MAP4K4: variants seen among roughly 807,000 people sequenced by gnomAD.
The protein encoded by MAP4K4 is mitogen-activated protein kinase kinase kinase kinase 4, also known as HPK/GCK-like kinase HGK.
MAP4K4 carries 38 observed loss-of-function variants against 189.6 expected under a neutral mutation model. That is an observed-to-expected ratio of 0.20 (90% CI 0.15 to 0.26). The LOEUF (loss-of-function observed/expected upper bound fraction) is 0.26. Ranked by LOEUF, MAP4K4 falls within the 10% of genes least tolerant of loss-of-function variation. MAP4K4 has a pLI of 1.00. For missense variants in MAP4K4, 1,054 were observed against 1,726.9 expected, an observed-to-expected ratio of 0.61 and a Z score of 6.91; for synonymous variants, 610 against 624.3, an observed-to-expected ratio of 0.98 and a Z score of 0.34.
intron 2 of MAP4K4, among the ~76,000 whole-genome samples, chr2:101,713,117 C>G (rs746180451): frequency 6.6e-6 from 1 of 151,334 alleles, no homozygotes; most frequent in Admixed American, 6.6e-5. Flanking sequence ...GTTGGCCAGA[C>G]TGATCTCAAA....
chr2:101,843,254 G>T (rs1054550818), intron 11 of MAP4K4, among the ~76,000 whole-genome samples: 2 of 152,292 alleles, frequency 1.3e-5, no homozygotes, highest in East Asian at 1.9e-4. Context: ...CCATGCTGCA[G>T]TATGTGGCTG....
In MAP4K4 at chr2:101,815,924, A is replaced by G. The variant is rs115567618; in HGVS notation, c.181-8004A>G. Among the ~76,000 whole-genome samples the G allele has an allele frequency of 3.5e-3, 532 of 152,184 alleles. 2 individuals carry two copies. Among genetic ancestry groups the G allele is most frequent in the African/African-American group, 0.012 (517 of 41,514 alleles). On this transcript the variant is annotated intron_variant, in intron 3 of 32. Coordinates refer to ENST00000324219, the Ensembl canonical transcript of MAP4K4. ...GGTTTCCGCACGGGGACGTGTTGAT[A>G]GTGTGCTACTGAGTCTTCTAGGGGG...
At chr2:101,869,911 GTTCTCGTGGA>G in intron 22 of MAP4K4, 114 bp downstream of exon 22, 4 of 1,367,958 alleles carry the variant, frequency 2.9e-6, no homozygotes, top group Non-Finnish European at 2.9e-6. Flanking sequence ...TTACTATGTA[GTTCTCGTGGA>G]TTCAGCAGCA....
Position 101,868,024 on chromosome 2 carries a change from T to C in MAP4K4, c.2455-5T>C. ...CGGACTCCACGAAACTGCGCTGTAC[T>C]GAAGGGCGAAGTGGTAAGCGCCATC... On this transcript the variant is annotated splice_region_variant and splice_polypyrimidine_tract_variant and intron_variant, in intron 20 of 32. Transcript: ENST00000324219. 1 of 1,613,272 alleles carries C rather than the reference T, an allele frequency of 6.2e-7. No individual in the cohort carries two copies. Among genetic ancestry groups the C allele is most frequent in the Non-Finnish European group, 8.5e-7 (1 of 1,179,654 alleles).
chr2:101,751,080 C>T (rs886141352), intron 2 of MAP4K4, among the ~76,000 whole-genome samples: 7 of 152,084 alleles, frequency 4.6e-5, no homozygotes, highest in East Asian at 1.9e-4. Context: ...GTGTATGTGC[C>T]GCTTCCATCC....
At chr2:101,719,876 G>A (rs1055828865) in intron 2 of MAP4K4, among the ~76,000 whole-genome samples, 3 of 152,002 alleles carry the variant, frequency 2.0e-5, no homozygotes, top group Non-Finnish European at 2.9e-5. Flanking sequence ...GCCGGGCGTG[G>A]TGGCGGGCGC....
At chr2:101,792,115 A>T (rs145040877) in intron 3 of MAP4K4, among the ~76,000 whole-genome samples, 3 of 152,326 alleles carry the variant, frequency 2.0e-5, no homozygotes, top group Non-Finnish European at 4.4e-5. Flanking sequence ...TAAATACAGT[A>T]GTTGAGCTAT....
chr2:101,829,068 T>A (rs2096494460), intron 5 of MAP4K4, among the ~76,000 whole-genome samples: 1 of 152,212 alleles, frequency 6.6e-6, no homozygotes, highest in East Asian at 1.9e-4. Context: ...TAGCCAGTGT[T>A]AAAGAGCCAG....
intron 2 of MAP4K4, among the ~76,000 whole-genome samples, chr2:101,731,775 A>AGG (rs1003614150): frequency 2.7e-5 from 4 of 149,946 alleles, no homozygotes; most frequent in African/African-American, 7.3e-5. Flanking sequence ...AAAAAGATGG[A>AGG]GGGGAGGGGT....
intron 3 of MAP4K4, among the ~76,000 whole-genome samples, chr2:101,794,310 A>C (rs764108134): frequency 1.4e-4 from 22 of 152,344 alleles, no homozygotes; most frequent in East Asian, 1.9e-4. Context: ...ATTATAACTT[A>C]AGTACATGCA....
intron 11 of MAP4K4, among the ~76,000 whole-genome samples, chr2:101,843,784 G>A (rs965688209): frequency 1.9e-4 from 29 of 152,150 alleles, no homozygotes; most frequent in African/African-American, 6.8e-4. Flanking sequence ...GTGGTTAAAG[G>A]ACTAGTGAAA....
chr2:101,825,262 G>A, intron 4 of MAP4K4, 57 bp from the exon 5 acceptor site: 1 of 1,086,120 alleles, frequency 9.2e-7, no homozygotes, highest in Non-Finnish European at 1.4e-6. Flanking sequence ...CGGTTAAACT[G>A]GTTTTCCCAA....
At chr2:101,859,958 G>T in intron 15 of MAP4K4, 94 bp downstream of exon 15, 3 of 1,227,826 alleles carry the variant, frequency 2.4e-6, no homozygotes, top group Non-Finnish European at 3.5e-6. Flanking sequence ...ACGGGCCATA[G>T]AGTTTAGCTA....
At chr2:101,727,771 C>T (rs1397463394) in intron 2 of MAP4K4, among the ~76,000 whole-genome samples, 1 of 152,198 alleles carries the variant, frequency 6.6e-6, no homozygotes, top group Non-Finnish European at 1.5e-5. Flanking sequence ...GTGTTCAAGA[C>T]CAGCCTGGCC....
chr2:101,866,993 C>T (rs139253889), intron 19 of MAP4K4, among the ~76,000 whole-genome samples: 134 of 151,684 alleles, frequency 8.8e-4, no homozygotes, highest in African/African-American at 3.1e-3. Flanking sequence ...ATTGTGAACA[C>T]GTGTCAAAGT....
Position 101,866,661 on chromosome 2 carries a change from T to C in MAP4K4, c.2356+82T>C, listed in dbSNP as rs967414242. The C allele has an allele frequency of 1.1e-5, 16 of 1,521,814 alleles. No homozygotes were observed. The Admixed American group carries it at 2.3e-4, about 22-fold the overall frequency. 94.3% of individuals were successfully genotyped at this position (1,521,814 alleles called of 1,614,324 possible). A position where few individuals can be genotyped will look rare whatever the true frequency, so the allele number is the denominator to read the frequency against. The stretch of plus-strand genomic sequence containing the variant: ...CTTGGAAGTTTGTCTTAATCTGTAG[T>C]TTGCGTGTAGCCACACGTCACAAAA... On this transcript the variant is annotated intron_variant, in intron 19 of 32. Transcript: ENST00000324219.
chr2:101,843,080 C>T (rs1317543553), intron 11 of MAP4K4, among the ~76,000 whole-genome samples: 1 of 152,148 alleles, frequency 6.6e-6, no homozygotes, highest in African/African-American at 2.4e-5. Context: ...TGTGTTGTGT[C>T]CTGATTTATT....
rs761909497 is a variant in MAP4K4 at position 101,859,092 on chromosome 2, C to T, written c.1482+10C>T. 5.0e-6 allele frequency: 8 copies of T among 1,608,208 alleles called. No homozygotes were observed. The highest frequency in any genetic ancestry group is 4.5e-5 in the East Asian group (2 of 44,774). On this transcript the variant is annotated intron_variant, in intron 14 of 32. Coordinates refer to ENST00000324219, the Ensembl canonical transcript of MAP4K4. ...GCAGGCCATGTTACTGGTAAAGCCC[C>T]GCCTCTGTTTCATTCTGTAGCATCA...
chr2:101,751,168 T>A (rs184785060), intron 2 of MAP4K4, among the ~76,000 whole-genome samples: 1 of 152,314 alleles, frequency 6.6e-6, no homozygotes, highest in East Asian at 1.9e-4. Flanking sequence ...TTGTAAAGAA[T>A]TCAGTGTTCA....
Sources: gnomAD v4.1 joint callset for allele counts (sites outside exome capture counted in the v4.1 genomes callset) on GRCh38, gnomAD v4.1.1 for gene constraint, MANE v1.5 for transcripts, NCBI Gene and HGNC (gene_info 2026-07-23, HGNC 2026-07-21) for gene names.